KCNAB1: variants seen among roughly 807,000 people sequenced by gnomAD.
The protein encoded by KCNAB1 is voltage-gated potassium channel subunit beta-1.
Under a neutral mutation model 64.6 loss-of-function variants are expected in KCNAB1, and 35 were observed. That is an observed-to-expected ratio of 0.54 (90% CI 0.41 to 0.72). The LOEUF is 0.72. Ranked by LOEUF, KCNAB1 falls within the 30% of genes least tolerant of loss-of-function variation. KCNAB1 has a pLI of 0.00. For synonymous variants in KCNAB1, 177 were observed against 183.8 expected, an observed-to-expected ratio of 0.96 and a Z score of 0.30; for missense variants, 401 against 512.9, an observed-to-expected ratio of 0.78 and a Z score of 2.11.
chr3:156,538,970 G>C (rs1195065957), downstream of KCNAB1: 1 of 152,122 alleles, frequency 6.6e-6, no homozygotes, highest in Non-Finnish European at 1.5e-5. Context: ...TGTGGGAACA[G>C]CCAGTTTTTT....
chr3:156,357,159 G>GCACA (rs112441885), intron 1 of KCNAB1, among the ~76,000 whole-genome samples: 40 of 147,402 alleles, frequency 2.7e-4, no homozygotes, highest in East Asian at 8.0e-4. Flanking sequence ...ACATGTGCGC[G>GCACA]CACACACACA....
At chr3:156,521,370 A>C (rs1717929934) in intron 11 of KCNAB1, among the ~76,000 whole-genome samples, 1 of 152,032 alleles carries the variant, frequency 6.6e-6, no homozygotes, top group Admixed American at 6.5e-5. Flanking sequence ...CAATCTGAAA[A>C]ACGGGAAGAG....
intron 1 of KCNAB1, among the ~76,000 whole-genome samples, chr3:156,387,014 C>CTTTTTTTT (rs1194708289): frequency 2.2e-5 from 2 of 90,524 alleles, no homozygotes; most frequent in African/African-American, 1.1e-4. Flanking sequence ...TTCTCTCTCT[C>CTTTTTTTT]TTTTTTTTTT....
intron 9 of KCNAB1, 108 bp from the exon 10 acceptor site, chr3:156,514,992 T>C: frequency 8.9e-7 from 1 of 1,122,082 alleles, no homozygotes; most frequent in Non-Finnish European, 1.2e-6. Context: ...TACATGTTTC[T>C]TGGTTTGTAC....
intron 1 of KCNAB1, among the ~76,000 whole-genome samples, chr3:156,385,143 GA>G (rs1259611381): frequency 6.6e-6 from 1 of 152,152 alleles, no homozygotes; most frequent in African/African-American, 2.4e-5. Flanking sequence ...GTGCCAGTCA[GA>G]GTACCTTTAG....
At chr3:156,350,361 C>T (rs1198791315) in intron 1 of KCNAB1, among the ~76,000 whole-genome samples, 1 of 152,026 alleles carries the variant, frequency 6.6e-6, no homozygotes, top group Non-Finnish European at 1.5e-5. Flanking sequence ...TCAGCCTGGA[C>T]AATATAGTGA....
At chr3:156,534,059 G>A (rs753799750) in intron 13 of KCNAB1, among the ~76,000 whole-genome samples, 30 of 152,182 alleles carry the variant, frequency 2.0e-4, no homozygotes, top group Non-Finnish European at 3.1e-4. Flanking sequence ...CTACCATTGC[G>A]GGCTTACCAA....
chr3:156,175,604 C>G (rs1034590809), intron 1 of KCNAB1, among the ~76,000 whole-genome samples: 1 of 152,084 alleles, frequency 6.6e-6, no homozygotes, highest in Non-Finnish European at 1.5e-5. Flanking sequence ...GGTGATAGAG[C>G]GAGACTCTGT....
chr3:156,423,796 G>T (rs567843654), intron 2 of KCNAB1, among the ~76,000 whole-genome samples: 6 of 152,116 alleles, frequency 3.9e-5, no homozygotes, highest in Non-Finnish European at 8.8e-5. Context: ...AAACTGAGTA[G>T]AAAGGAAAAT....
At chr3:156,306,326 C>G (rs182789882) in intron 1 of KCNAB1, among the ~76,000 whole-genome samples, 1 of 152,264 alleles carries the variant, frequency 6.6e-6, no homozygotes, top group East Asian at 1.9e-4. Flanking sequence ...AGCAGGGCCA[C>G]TTGAAATCCC....
chr3:156,291,607 G>A, intron 1 of KCNAB1: 1 of 1,281,972 alleles, frequency 7.8e-7, no homozygotes, highest in Non-Finnish European at 1.0e-6. Flanking sequence ...TGTTTAATCA[G>A]CCGAGATTAC....
chr3:156,253,177 T>C (rs1717928513), intron 1 of KCNAB1, among the ~76,000 whole-genome samples: 2 of 152,200 alleles, frequency 1.3e-5, no homozygotes, highest in Non-Finnish European at 2.9e-5. Context: ...CAGGCCTGTG[T>C]TTAAGAAGAC....
intron 1 of KCNAB1, among the ~76,000 whole-genome samples, chr3:156,255,696 C>T (rs571847157): frequency 5.3e-5 from 8 of 152,226 alleles, no homozygotes; most frequent in South Asian, 2.1e-4. Context: ...ATGTGTCCTC[C>T]GACAATATTC....
intron 1 of KCNAB1, among the ~76,000 whole-genome samples, chr3:156,272,700 C>G (rs1719107480): frequency 6.6e-6 from 1 of 151,990 alleles, no homozygotes; most frequent in African/African-American, 2.4e-5. Context: ...GTGCTCCTCC[C>G]CACTGTCGCC....
chr3:156,145,367 T>C (rs1714977228), intron 1 of KCNAB1, among the ~76,000 whole-genome samples: 1 of 152,176 alleles, frequency 6.6e-6, no homozygotes, highest in Non-Finnish European at 1.5e-5. Context: ...CTCTGTTTAT[T>C]CTCCCTTTAA....
At chr3:156,357,736 A>G (rs1035423346) in intron 1 of KCNAB1, among the ~76,000 whole-genome samples, 1 of 151,236 alleles carries the variant, frequency 6.6e-6, no homozygotes, top group African/African-American at 2.4e-5. Flanking sequence ...GTAATCATAT[A>G]TCATGATTCA....
intron 1 of KCNAB1, among the ~76,000 whole-genome samples, chr3:156,178,229 T>C (rs1288966999): frequency 2.0e-5 from 3 of 152,208 alleles, no homozygotes; most frequent in Non-Finnish European, 2.9e-5. Context: ...AACCATAGAC[T>C]CTATCAGTGG....
intron 8 of KCNAB1, among the ~76,000 whole-genome samples, chr3:156,504,751 G>GTTTTTTTTTTTTTTTT (rs71302274): frequency 6.8e-5 from 9 of 132,730 alleles, no homozygotes; most frequent in Non-Finnish European, 9.7e-5. Context: ...TGTTTTTTTT[G>GTTTTTTTTTTTTTTTT]TTTTTTTTTT....
At chr3:156,269,629 T>C (rs1560167108) in intron 1 of KCNAB1, among the ~76,000 whole-genome samples, 1 of 152,200 alleles carries the variant, frequency 6.6e-6, no homozygotes, top group Non-Finnish European at 1.5e-5. Context: ...GTGCTAATAA[T>C]GTTTATTTAT....
Sources: allele counts gnomAD v4.1 joint callset (sites outside exome capture counted in the v4.1 genomes callset), GRCh38; gene constraint gnomAD v4.1.1; transcripts MANE v1.5; gene names NCBI Gene and HGNC (gene_info 2026-07-23, HGNC 2026-07-21).